The following LHFPL3 variants were observed in gnomAD, a reference collection of about 807,000 sequenced individuals.
LHFPL3 encodes the protein LHFPL tetraspan subfamily member 3.
Under a neutral mutation model 19.3 loss-of-function variants are expected in LHFPL3, and 5 were observed. That is an observed-to-expected ratio of 0.26 (90% CI 0.14 to 0.54). The LOEUF (loss-of-function observed/expected upper bound fraction) is 0.54. Among genes scored for constraint, LHFPL3 ranks in the 20% least tolerant of loss-of-function variants. The pLI, the probability that LHFPL3 is intolerant of heterozygous loss-of-function variation, is 0.94. For synonymous variants in LHFPL3, 133 were observed against 126.2 expected (o/e 1.05, Z -0.36); for missense variants, 249 against 307.4 (o/e 0.81, Z 1.42).
chr7:104,580,296 A>C (rs924003636), intron 1 of LHFPL3, among the ~76,000 whole-genome samples: 1 of 152,140 alleles, frequency 6.6e-6, no homozygotes, highest in African/African-American at 2.4e-5. Context: ...TGATAACTGA[A>C]GTACAATGTT....
intron 1 of LHFPL3, among the ~76,000 whole-genome samples, chr7:104,560,661 T>C (rs971973329): frequency 2.6e-5 from 4 of 151,248 alleles, no homozygotes; most frequent in African/African-American, 9.8e-5. Flanking sequence ...TTTTGAAGAG[T>C]TTTTTGTGTC....
At chr7:104,904,512 G>A (rs1201767180) in intron 2 of LHFPL3, among the ~76,000 whole-genome samples, 2 of 152,182 alleles carry the variant, frequency 1.3e-5, no homozygotes, top group Non-Finnish European at 2.9e-5. Context: ...TCAGCCAGGT[G>A]TGGTGGCACA....
chr7:104,824,089 T>C, intron 2 of LHFPL3, among the ~76,000 whole-genome samples: 1 of 128,572 alleles, frequency 7.8e-6, no homozygotes, highest in Non-Finnish European at 1.6e-5. Context: ...GAGGTTGCAG[T>C]GAGCCAACAT....
rs547987300 is a variant in LHFPL3, at chr7:104,376,221, G to A, written c.445+46997G>A. On this transcript the variant is annotated intron_variant, in intron 1 of 2. Transcript: ENST00000424859. ...CCAAATCATTTACCACAGTTTGTGG[G>A]CACTTTTTGTGCCAGGTTCTGTCCT... Among the ~76,000 whole-genome samples, 8 of 152,312 alleles carry A rather than the reference G, an allele frequency of 5.3e-5. No homozygotes were observed. The South Asian group carries it at 1.0e-3, about 20-fold the overall frequency.
chr7:104,685,114 C>T (rs1055225564), intron 1 of LHFPL3, among the ~76,000 whole-genome samples: 7 of 151,974 alleles, frequency 4.6e-5, no homozygotes, highest in African/African-American at 7.3e-5. Flanking sequence ...ATTGGGAGGC[C>T]GAGGCGGGTG....
At chr7:104,655,252 A>C (rs1237073166) in intron 1 of LHFPL3, among the ~76,000 whole-genome samples, 1 of 152,128 alleles carries the variant, frequency 6.6e-6, no homozygotes, top group Non-Finnish European at 1.5e-5. Context: ...AGGGTTCTAC[A>C]TATTGTCTCC....
At chr7:104,579,933 T>C (rs1790424438) in intron 1 of LHFPL3, among the ~76,000 whole-genome samples, 1 of 152,218 alleles carries the variant, frequency 6.6e-6, no homozygotes, top group African/African-American at 2.4e-5. Context: ...GGCTTAAGTC[T>C]CCTTGCTGGT....
At chr7:104,738,788 C>T (rs374622787) in intron 2 of LHFPL3, 1 of 152,098 alleles carries the variant, frequency 6.6e-6, no homozygotes, top group Non-Finnish European at 1.5e-5. Flanking sequence ...TGATCCTTTC[C>T]GTCTGAGTCT....
chr7:104,800,577 T>A (rs1474576315), intron 2 of LHFPL3, among the ~76,000 whole-genome samples: 1 of 152,190 alleles, frequency 6.6e-6, no homozygotes, highest in African/African-American at 2.4e-5. Flanking sequence ...AAATGCAGGA[T>A]GTCTTGGAAT....
At chr7:104,498,309 G>C (rs369808518) in intron 1 of LHFPL3, among the ~76,000 whole-genome samples, 1 of 152,054 alleles carries the variant, frequency 6.6e-6, no homozygotes, top group Non-Finnish European at 1.5e-5. Flanking sequence ...AAAAGGTTAG[G>C]ACCCATGAGT....
intron 1 of LHFPL3, among the ~76,000 whole-genome samples, chr7:104,614,729 TTCTTTCTTTC>T (rs1457048414): frequency 2.3e-4 from 32 of 138,940 alleles, no homozygotes; most frequent in African/African-American, 5.0e-4. Flanking sequence ...CTTTCTTTCT[TTCTTTCTTTC>T]TCTTTCTCTC....
chr7:104,337,600 A>T (rs1428057603), intron 1 of LHFPL3, among the ~76,000 whole-genome samples: 2 of 152,178 alleles, frequency 1.3e-5, no homozygotes, highest in Non-Finnish European at 2.9e-5. Context: ...GTCATTGTAA[A>T]ATTTGACGAA....
intron 1 of LHFPL3, among the ~76,000 whole-genome samples, chr7:104,489,873 A>G (rs1242243382): frequency 6.6e-6 from 1 of 152,196 alleles, no homozygotes; most frequent in African/African-American, 2.4e-5. Context: ...GTGGCTGGGT[A>G]CAAACAGCTA....
At chr7:104,353,598 T>C (rs1424618810) in intron 1 of LHFPL3, among the ~76,000 whole-genome samples, 2 of 152,228 alleles carry the variant, frequency 1.3e-5, no homozygotes, top group Admixed American at 1.3e-4. Flanking sequence ...TGGCAACTTA[T>C]TTTCTTCATC....
intron 1 of LHFPL3, among the ~76,000 whole-genome samples, chr7:104,571,416 C>T (rs764997306): frequency 6.6e-6 from 1 of 152,082 alleles, no homozygotes; most frequent in Non-Finnish European, 1.5e-5. Context: ...TTCTGTGTTT[C>T]AGCATAAATC....
intron 1 of LHFPL3, among the ~76,000 whole-genome samples, chr7:104,404,521 A>G (rs190646435): frequency 5.2e-4 from 79 of 152,322 alleles, no homozygotes; most frequent in African/African-American, 1.9e-3. Flanking sequence ...TGAGAGGTAA[A>G]GTCTGGCTTG....
At chr7:104,741,672 A>G (rs999144534) in intron 2 of LHFPL3, among the ~76,000 whole-genome samples, 12 of 152,004 alleles carry the variant, frequency 7.9e-5, no homozygotes, top group African/African-American at 2.2e-4. Flanking sequence ...AGTAGCTAGG[A>G]CTACAAGTGT....
At chr7:104,367,812 G>A (rs74990042) in intron 1 of LHFPL3, among the ~76,000 whole-genome samples, 6,410 of 152,336 alleles carry the variant, frequency 0.042, 189 homozygotes, top group Middle Eastern at 0.078. Context: ...GACTTTAGGG[G>A]GAAGGAGGGC....
Position 104,339,515 on chromosome 7 carries a change from A to G in LHFPL3, c.445+10291A>G, listed in dbSNP as rs75303574. On this transcript the variant is annotated intron_variant, in intron 1 of 2. Transcript: ENST00000424859. The stretch of plus-strand genomic sequence containing the variant: ...CTGAGAGAGATTCAGAGTCTTGCCA[A>G]AAGAATACCTTGGAAAAATTGAGAT... Among the ~76,000 whole-genome samples, 309 of 151,634 alleles carry G rather than the reference A, an allele frequency of 2.0e-3. 1 individual carries two copies. Among genetic ancestry groups the G allele is most frequent in the African/African-American group, 7.1e-3 (293 of 41,312 alleles).
Sources: allele counts gnomAD v4.1 joint callset (sites outside exome capture counted in the v4.1 genomes callset), GRCh38; gene constraint gnomAD v4.1.1; transcripts MANE v1.5; gene names NCBI Gene and HGNC (gene_info 2026-07-23, HGNC 2026-07-21).